ABLIM2: variants seen among roughly 807,000 people sequenced by gnomAD.
ABLIM2 encodes the protein actin-binding LIM protein 2.
A neutral mutation model predicts 97.7 loss-of-function variants in ABLIM2; 53 were observed. The ratio of observed to expected loss-of-function variants is 0.54; its 90% CI spans 0.44 to 0.68. ABLIM2 has a LOEUF of 0.68. Ranked by LOEUF, ABLIM2 falls within the 30% of genes least tolerant of loss-of-function variation. ABLIM2 has a pLI of 0.00. For synonymous variants in ABLIM2, 361 were observed against 345.8 expected, an observed-to-expected ratio of 1.04 and a Z score of -0.49; for missense variants, 835 against 867.2, an observed-to-expected ratio of 0.96 and a Z score of 0.47.
At chr4:8,045,057 G>A in intron 9 of ABLIM2, 107 bp downstream of exon 9, 1 of 988,926 alleles carries the variant, frequency 1.0e-6, no homozygotes, top group Non-Finnish European at 1.6e-6. Context: ...GGCCCCAGAT[G>A]ATAGTTCTCG....
rs1449167740 is a variant in ABLIM2, at chr4:8,085,281, G to A, written c.454+2888C>T. Among the ~76,000 whole-genome samples, 1 of 152,154 alleles carries A rather than the reference G, an allele frequency of 6.6e-6. No homozygotes were observed. Among genetic ancestry groups the A allele is most frequent in the Non-Finnish European group, 1.5e-5 (1 of 68,014 alleles). On this transcript the variant is annotated intron_variant, in intron 4 of 20. Transcript: ENST00000447017. This position sits in a 1 kb window ranked among gnomAD's most constrained non-coding sequence, Gnocchi z 6.1. ...GCCCCCCGGCCCAGCAAGCTGGCCA[G>A]GCAGACGGTGCTGCTTCCTACATTC...
chr4:8,146,376 G>A (rs1851796809), intron 1 of ABLIM2, among the ~76,000 whole-genome samples: 2 of 152,118 alleles, frequency 1.3e-5, no homozygotes, highest in South Asian at 2.1e-4. Context: ...TTTAACACAG[G>A]GCAGACGTCA....
chr4:7,995,952 C>T (rs1301971768), intron 16 of ABLIM2, among the ~76,000 whole-genome samples: 2 of 152,132 alleles, frequency 1.3e-5, no homozygotes, highest in Non-Finnish European at 2.9e-5. Context: ...TGAGGTCACC[C>T]AGCCAGGTAG....
intron 5 of ABLIM2, among the ~76,000 whole-genome samples, chr4:8,079,775 T>C (rs752212340): frequency 2.0e-5 from 3 of 148,500 alleles, no homozygotes; most frequent in Non-Finnish European, 4.4e-5. Context: ...TGTGTGTGTG[T>C]GCGCGCGCCT....
Position 8,019,043 on chromosome 4 carries a change from A to G in ABLIM2, c.1423+575T>C, listed in dbSNP as rs1771578655. Among the ~76,000 whole-genome samples the G allele has an allele frequency of 6.6e-6, 1 of 152,146 alleles. No individual in the cohort carries two copies. Among genetic ancestry groups the G allele is most frequent in the African/African-American group, 2.4e-5 (1 of 41,434 alleles). On this transcript the variant is annotated intron_variant, in intron 14 of 20. Coordinates refer to ENST00000447017, the MANE Select transcript of ABLIM2 (RefSeq NM_001130083.2). The surrounding 1 kb of genome is among the most constrained non-coding windows in gnomAD (Gnocchi z 4.3). ...CCGATTCCTGCTCCATGGCCCACGC[A>G]AGCTGCTCCCTGCGCACCTCCCAGG...
At chr4:8,027,266 T>C (rs1778017259) in intron 12 of ABLIM2, among the ~76,000 whole-genome samples, 1 of 152,186 alleles carries the variant, frequency 6.6e-6, no homozygotes, top group East Asian at 1.9e-4. Context: ...GGGATGTGGA[T>C]GGCTCATCCA....
intron 20 of ABLIM2, among the ~76,000 whole-genome samples, chr4:7,971,288 G>T: frequency 6.6e-6 from 1 of 152,196 alleles, no homozygotes; most frequent in Middle Eastern, 3.2e-3. Flanking sequence ...CTGGCCTCAA[G>T]CCAGCTCCTC....
rs1303453348 is a variant in ABLIM2, at chr4:8,022,756, G to C, written c.1268-2453C>G. On this transcript the variant is annotated intron_variant, in intron 12 of 20. Coordinates refer to ENST00000447017, the MANE Select transcript of ABLIM2 (RefSeq NM_001130083.2). This position sits in a 1 kb window ranked among gnomAD's most constrained non-coding sequence, Gnocchi z 7.8. ...TTCGTTGGAACAAAATGCATCGCCA[G>C]CTCCCACCTGGAGCACTGTGCTGCT... The C allele has an allele frequency of 1.3e-5, 2 of 152,544 alleles. No individual in the cohort carries two copies. The highest frequency in any genetic ancestry group is 4.8e-5 in the African/African-American group (2 of 41,458). The allele number at this position is 152,544 out of a possible 1,614,324, so 9.4% of individuals were successfully genotyped here. A position where few individuals can be genotyped will look rare whatever the true frequency, so the allele number is the denominator to read the frequency against.
intron 3 of ABLIM2, among the ~76,000 whole-genome samples, chr4:8,092,941 T>C (rs1192894635): frequency 1.3e-5 from 2 of 152,156 alleles, no homozygotes; most frequent in Non-Finnish European, 2.9e-5. Flanking sequence ...CTCCACTTCC[T>C]GGGTTCAAGA....
chr4:8,095,105 CTT>C lies in ABLIM2; in HGVS notation c.338+1992_338+1993del, dbSNP rs745351205. On this transcript the variant is annotated intron_variant, in intron 3 of 20. Transcript: ENST00000447017. The surrounding 1 kb of genome is among the most constrained non-coding windows in gnomAD (Gnocchi z 4.7). ...CTCTCTCTTTCTTTCTTTCTCTTTCCTTTTCTTTCTTTTCTTTCTACAGGGTC... is the reference window on the plus strand; with the variant it reads ...CTCTCTCTTTCTTTCTTTCTCTTTCCTTCTTTCTTTTCTTTCTACAGGGTC... Among the ~76,000 whole-genome samples the C allele has an allele frequency of 1.1e-4, 13 of 120,464 alleles. No homozygotes were observed. The highest frequency in any genetic ancestry group is 4.7e-3 in the Middle Eastern group (1 of 214). 79.0% of individuals were successfully genotyped at this position (120,464 alleles called of 152,430 possible). A position where few individuals can be genotyped will look rare whatever the true frequency, so the allele number is the denominator to read the frequency against.
rs561289265 is a variant in ABLIM2 at position 7,992,552 on chromosome 4, G to T, written c.1680+314C>A. Among the ~76,000 whole-genome samples, 45 of 152,224 alleles carry T rather than the reference G, an allele frequency of 3.0e-4. No homozygotes were observed. The East Asian group carries it at 8.0e-3, about 27-fold the overall frequency. On this transcript the variant is annotated intron_variant, in intron 17 of 20. Transcript: ENST00000447017. The surrounding 1 kb of genome is among the most constrained non-coding windows in gnomAD (Gnocchi z 5.7). ...GCCATAGGAGGACGAAGACGGTTAG[G>T]AGGGGCATCTTGGAGCTGCGCCTGA...
chr4:8,012,047 T>A (rs1001903028), intron 14 of ABLIM2, among the ~76,000 whole-genome samples: 4 of 152,078 alleles, frequency 2.6e-5, no homozygotes, highest in Non-Finnish European at 2.9e-5. Context: ...TGTCCATTCA[T>A]CCAGCCAGCC....
intron 2 of ABLIM2, among the ~76,000 whole-genome samples, chr4:8,102,842 C>T (rs1020994245): frequency 2.4e-4 from 37 of 152,218 alleles, no homozygotes; most frequent in African/African-American, 7.5e-4. Context: ...AAGTCAGCCA[C>T]GAGCCCCCCG....
At chr4:8,145,121 A>G (rs1851580898) in intron 1 of ABLIM2, among the ~76,000 whole-genome samples, 1 of 151,918 alleles carries the variant, frequency 6.6e-6, no homozygotes, top group South Asian at 2.1e-4. Flanking sequence ...GTGGTGTCGG[A>G]GATCAATCTA....
chr4:8,086,379 A>C (rs1577449293), intron 4 of ABLIM2, among the ~76,000 whole-genome samples: 4 of 119,746 alleles, frequency 3.3e-5, no homozygotes, highest in Admixed American at 1.0e-4. Context: ...TGACATTCTC[A>C]CTCTGTCACT....
At chr4:7,985,614 T>A (rs1291797835) in intron 17 of ABLIM2, among the ~76,000 whole-genome samples, 1 of 152,102 alleles carries the variant, frequency 6.6e-6, no homozygotes, top group Non-Finnish European at 1.5e-5. Context: ...GTGTGACTGT[T>A]TCAAAGGTTA....
chr4:8,136,655 C>T (rs1850237625), intron 1 of ABLIM2, among the ~76,000 whole-genome samples: 1 of 152,218 alleles, frequency 6.6e-6, no homozygotes, highest in Admixed American at 6.5e-5. Flanking sequence ...TGCAGGGCAT[C>T]TGCCAACAGC....
At chr4:8,092,289 C>T (rs1418302394) in intron 3 of ABLIM2, among the ~76,000 whole-genome samples, 1 of 152,088 alleles carries the variant, frequency 6.6e-6, no homozygotes, top group Non-Finnish European at 1.5e-5. Flanking sequence ...TGAGTCACCA[C>T]ACCTGGCCCA....
At chr4:8,064,675 C>A (rs543377268) in intron 6 of ABLIM2, among the ~76,000 whole-genome samples, 12 of 152,276 alleles carry the variant, frequency 7.9e-5, no homozygotes, top group African/African-American at 2.6e-4. Context: ...TGATCCAAGC[C>A]AAGAAGTCGG....
Sources: gnomAD v4.1 joint callset for allele counts (sites outside exome capture counted in the v4.1 genomes callset) on GRCh38, gnomAD v4.1.1 for gene constraint, Gnocchi (gnomAD v3.1) non-coding constraint, MANE v1.5 for transcripts, NCBI Gene and HGNC (gene_info 2026-07-23, HGNC 2026-07-21) for gene names.